NXPH2: variants seen among roughly 807,000 people sequenced by gnomAD.
NXPH2 encodes the protein neurexophilin 2, also known as neurexophilin-2.
In NXPH2, 5 loss-of-function variants were observed where a neutral mutation model predicts 19.8. That is an observed-to-expected ratio of 0.25 (90% CI 0.13 to 0.53). The LOEUF is 0.53. Among genes scored for constraint, NXPH2 ranks in the 20% least tolerant of loss-of-function variants. The probability of loss-of-function intolerance (pLI) is 0.96; values close to 1 mark genes in which losing one functional copy is unlikely to be tolerated. For missense variants in NXPH2, 289 were observed against 322.8 expected (o/e 0.90, Z 0.80); for synonymous variants, 154 against 127.4 (o/e 1.21, Z -1.41).
At chr2:138,742,009 C>A (rs1019676022) in intron 1 of NXPH2, among the ~76,000 whole-genome samples, 23 of 152,188 alleles carry the variant, frequency 1.5e-4, no homozygotes, top group African/African-American at 5.5e-4. Context: ...AAGTCAATTC[C>A]ATGCCATCAT....
intron 1 of NXPH2, among the ~76,000 whole-genome samples, chr2:138,766,267 C>T (rs190442615): frequency 1.1e-3 from 162 of 152,256 alleles, no homozygotes; most frequent in African/African-American, 3.6e-3. Flanking sequence ...ATGCTGACCC[C>T]GCTTCCTAAC....
intron 1 of NXPH2, among the ~76,000 whole-genome samples, chr2:138,722,645 T>C (rs942503133): frequency 6.6e-6 from 1 of 152,184 alleles, no homozygotes; most frequent in African/African-American, 2.4e-5. Flanking sequence ...ATGATTCCAG[T>C]TGAACAACGA....
chr2:138,671,758 C>T, intron 1 of NXPH2, 93 bp from the exon 2 acceptor site: 1 of 1,287,936 alleles, frequency 7.8e-7, no homozygotes, highest in Middle Eastern at 2.0e-4. Flanking sequence ...ATTATTTCAA[C>T]ATTGTTTAGA....
intron 1 of NXPH2, among the ~76,000 whole-genome samples, chr2:138,708,085 A>G (rs1308812770): frequency 6.6e-6 from 1 of 152,180 alleles, no homozygotes; most frequent in African/African-American, 2.4e-5. Context: ...CATGTGTGGC[A>G]CTGTGCTTGT....
At chr2:138,753,861 A>G (rs1681861479) in intron 1 of NXPH2, among the ~76,000 whole-genome samples, 1 of 152,202 alleles carries the variant, frequency 6.6e-6, no homozygotes, top group African/African-American at 2.4e-5. Flanking sequence ...AAATAACTTT[A>G]TTAACTAGAG....
At chr2:138,695,415 C>T (rs1462836746) in intron 1 of NXPH2, among the ~76,000 whole-genome samples, 1 of 152,134 alleles carries the variant, frequency 6.6e-6, no homozygotes, top group Non-Finnish European at 1.5e-5. Flanking sequence ...GAACAAAGGT[C>T]TACACTAAAC....
rs552064772 is a variant in NXPH2, at chr2:138,748,637, C to A, written c.51+31554G>T. Among the ~76,000 whole-genome samples, 8 of 152,236 alleles carry A rather than the reference C, an allele frequency of 5.3e-5. No individual in the cohort carries two copies. In the East Asian group the frequency reaches 1.5e-3, roughly 29 times the overall value. On this transcript the variant is annotated intron_variant, in intron 1 of 1. Coordinates refer to ENST00000272641, the MANE Select transcript of NXPH2 (RefSeq NM_007226.3). ...GCACGCACACACATACACACATGCA[C>A]ACACATACAGTAATACCATGGAAAC...
intron 1 of NXPH2, among the ~76,000 whole-genome samples, chr2:138,727,917 G>T (rs1164168915): frequency 6.6e-6 from 1 of 152,144 alleles, no homozygotes; most frequent in Non-Finnish European, 1.5e-5. Context: ...ATATAAAGTA[G>T]TTGGAGGCTT....
intron 1 of NXPH2, among the ~76,000 whole-genome samples, chr2:138,766,478 G>A (rs1682095511): frequency 6.6e-6 from 1 of 152,112 alleles, no homozygotes; most frequent in Non-Finnish European, 1.5e-5. Context: ...ACTCGCATCT[G>A]GGTAGGAGCC....
intron 1 of NXPH2, among the ~76,000 whole-genome samples, chr2:138,769,981 T>C (rs765676046): frequency 3.3e-5 from 5 of 152,190 alleles, no homozygotes; most frequent in Non-Finnish European, 5.9e-5. Context: ...TATATATAAT[T>C]TTATGTGAAA....
intron 1 of NXPH2, among the ~76,000 whole-genome samples, chr2:138,744,934 C>T (rs1316583868): frequency 6.6e-6 from 1 of 152,196 alleles, no homozygotes. Flanking sequence ...GTGCAGGACT[C>T]TTAGCCACGC....
At chr2:138,749,199 C>T (rs1414410985) in intron 1 of NXPH2, among the ~76,000 whole-genome samples, 1 of 152,124 alleles carries the variant, frequency 6.6e-6, no homozygotes, top group African/African-American at 2.4e-5. Flanking sequence ...GCAAGTTCCT[C>T]CTTTGCTCAC....
intron 1 of NXPH2, among the ~76,000 whole-genome samples, chr2:138,703,091 CAGGAACTTAA>C (rs142087329): frequency 0.021 from 3,168 of 152,260 alleles, 46 homozygotes; most frequent in Non-Finnish European, 0.033. Context: ...GTATTTAACC[CAGGAACTTAA>C]AGTCCATTTT....
intron 1 of NXPH2, among the ~76,000 whole-genome samples, chr2:138,691,446 CT>C (rs1273966228): frequency 6.6e-6 from 1 of 152,118 alleles, no homozygotes; most frequent in Non-Finnish European, 1.5e-5. Flanking sequence ...AATTGACAGT[CT>C]TTTATCAGCA....
At chr2:138,763,320 A>C (rs531032923) in intron 1 of NXPH2, among the ~76,000 whole-genome samples, 1 of 152,274 alleles carries the variant, frequency 6.6e-6, no homozygotes, top group Non-Finnish European at 1.5e-5. Flanking sequence ...TCTTATTTTC[A>C]TATTTTTCTA....
intron 1 of NXPH2, among the ~76,000 whole-genome samples, chr2:138,736,521 G>T (rs959840058): frequency 6.6e-6 from 1 of 152,160 alleles, no homozygotes; most frequent in Admixed American, 6.5e-5. Context: ...GGGGTCTCCT[G>T]GTCCAGCCCA....
chr2:138,715,880 C>T (rs1223094004), intron 1 of NXPH2, among the ~76,000 whole-genome samples: 1 of 152,160 alleles, frequency 6.6e-6, no homozygotes, highest in Admixed American at 6.5e-5. Context: ...ATACCAAGGG[C>T]AGGAACTCTC....
intron 1 of NXPH2, among the ~76,000 whole-genome samples, chr2:138,677,924 A>G (rs927441268): frequency 2.0e-5 from 3 of 152,208 alleles, no homozygotes; most frequent in Non-Finnish European, 4.4e-5. Flanking sequence ...GTTAACATCT[A>G]ACACTATAGT....
intron 1 of NXPH2, among the ~76,000 whole-genome samples, chr2:138,687,290 T>G (rs1011623758): frequency 2.6e-5 from 4 of 152,236 alleles, no homozygotes; most frequent in Non-Finnish European, 5.9e-5. Flanking sequence ...GATTTGCATT[T>G]CTCTGATGGC....
Sources: gnomAD v4.1 joint callset for allele counts (sites outside exome capture counted in the v4.1 genomes callset) on GRCh38, gnomAD v4.1.1 for gene constraint, MANE v1.5 for transcripts, NCBI Gene and HGNC (gene_info 2026-07-23, HGNC 2026-07-21) for gene names.